Variants in KCNV2 observed in about 807,000 individuals in gnomAD.
KCNV2 encodes the protein potassium voltage-gated channel modifier subfamily V member 2, also known as potassium voltage-gated channel subfamily V member 2.
Under a neutral mutation model 37.0 loss-of-function variants are expected in KCNV2, and 65 were observed. That is an observed-to-expected ratio of 1.76 (90% CI 1.44 to 2.16). The LOEUF (loss-of-function observed/expected upper bound fraction) is 2.16. Ranked by LOEUF, KCNV2 falls within the 30% of genes most tolerant of loss-of-function variation. KCNV2 has a pLI of 0.00. For missense variants in KCNV2, 1,232 were observed against 766.7 expected, an observed-to-expected ratio of 1.61 and a Z score of -7.17; for synonymous variants, 518 against 328.6, an observed-to-expected ratio of 1.58 and a Z score of -6.23.
chr9:2,719,616 T>A (rs1424019734), intron 1 of KCNV2, among the ~76,000 whole-genome samples: 4 of 152,180 alleles, frequency 2.6e-5, no homozygotes, highest in African/African-American at 9.7e-5. Flanking sequence ...AATCTGAGTG[T>A]GGAAAGAAGC....
chr9:2,729,777 T>C lies in KCNV2; in HGVS notation c.*50T>C, dbSNP rs757408303. 2.5e-6 allele frequency: 4 copies of C among 1,570,836 alleles called. No homozygotes were observed. The highest frequency in any genetic ancestry group is 2.6e-6 in the Non-Finnish European group (3 of 1,141,162). On this transcript the variant is annotated 3_prime_UTR_variant, in exon 2 of 2. Transcript: ENST00000382082. ...AGATTCCATGAACTTCAAGGCTTCA[T>C]TGCTCTTTTTTTAATCATTATGATT... is the stretch of plus-strand genomic sequence containing the variant.
intron 1 of KCNV2, among the ~76,000 whole-genome samples, 185 bp downstream of exon 1, chr9:2,719,280 G>T (rs139375152): frequency 6.6e-6 from 1 of 152,138 alleles, no homozygotes. Context: ...GAACTCAGCA[G>T]ATCAGTAAGT....
At chr9:2,721,112 A>G (rs1309475157) in intron 1 of KCNV2, among the ~76,000 whole-genome samples, 2 of 152,210 alleles carry the variant, frequency 1.3e-5, no homozygotes, top group Non-Finnish European at 2.9e-5. Flanking sequence ...TCTTATCTGT[A>G]TGAATTTCCT....
chr9:2,724,392 G>C (rs1232026894), intron 1 of KCNV2, among the ~76,000 whole-genome samples: 1 of 152,058 alleles, frequency 6.6e-6, no homozygotes, highest in East Asian at 1.9e-4. Flanking sequence ...TAGATACCAA[G>C]GTGAATATTT....
Position 2,718,519 on chromosome 9 carries a change from G to A in KCNV2, c.780G>A (p.Lys260=). ...MEKPFSSVAA[K]AIGVASSTFV... is the part of the protein sequence containing the mutation. Reference sequence around the variant, plus strand: ...AGCCATTCTCCTCGGTGGCCGCCAAGGCCATCGGGGTGGCCTCCAGCACCT... The same window carrying A: ...AGCCATTCTCCTCGGTGGCCGCCAAAGCCATCGGGGTGGCCTCCAGCACCT... The change falls in exon 1 of 2, where the codon AAG becomes AAA. Residue 260 remains lysine (K), a synonymous_variant. Coordinates refer to ENST00000382082, the MANE Select transcript of KCNV2 (RefSeq NM_133497.4). The A allele has an allele frequency of 1.2e-6, 2 of 1,611,008 alleles. No homozygotes were observed. Among genetic ancestry groups the A allele is most frequent in the South Asian group, 2.2e-5 (2 of 90,714 alleles).
rs571461805 is a variant in KCNV2, at chr9:2,717,671, G to C, written c.-69G>C. ...AGGCCACGTGATCCATCCTCCTAGA[G>C]GCAGTGAGCAGGTGAGGGACCCCTA... On this transcript the variant is annotated 5_prime_UTR_variant, in exon 1 of 2. Transcript: ENST00000382082. The C allele has an allele frequency of 1.9e-6, 3 of 1,597,400 alleles. No homozygotes were observed. The highest frequency in any genetic ancestry group is 8.6e-7 in the Non-Finnish European group (1 of 1,166,106).
chr9:2,723,669 C>G (rs1249566064), intron 1 of KCNV2, among the ~76,000 whole-genome samples: 1 of 152,196 alleles, frequency 6.6e-6, no homozygotes, highest in Non-Finnish European at 1.5e-5. Context: ...CACATGGAAG[C>G]AATAACCTTT....
chr9:2,718,558 C>G lies in KCNV2; in HGVS notation c.819C>G (p.Ser273=), dbSNP rs767476582. 1 of 1,612,290 alleles carries G rather than the reference C, an allele frequency of 6.2e-7. No homozygotes were observed. The highest frequency in any genetic ancestry group is 8.5e-7 in the Non-Finnish European group (1 of 1,179,618). The change falls in exon 1 of 2, where the codon TCC becomes TCG. Residue 273 remains serine, a synonymous_variant. Transcript: ENST00000382082. ...CCTCCAGCACCTTCGTGCTCGTCTCCGTGGTGGCGCTGGCGCTCAACACCG... is the reference window on the plus strand; with the variant it reads ...CCTCCAGCACCTTCGTGCTCGTCTCGGTGGTGGCGCTGGCGCTCAACACCG... ...GVASSTFVLV[S]VVALALNTVE...
rs371163959 is a variant in KCNV2, at chr9:2,717,558, C to G, written c.-182C>G. ...TTCAGACCCTGCAGGCTGGGCTGGC[C>G]TGCCCAGGACCTGAGAAGGGGCAGC... On this transcript the variant is annotated 5_prime_UTR_variant, in exon 1 of 2. Transcript: ENST00000382082. 17 of 696,208 alleles carry G rather than the reference C, an allele frequency of 2.4e-5. No individual in the cohort carries two copies. Among genetic ancestry groups the G allele is most frequent in the South Asian group, 1.6e-4 (9 of 55,692 alleles). The allele number at this position is 696,208 out of a possible 1,614,324, so 43.1% of individuals were successfully genotyped here.
intron 1 of KCNV2, among the ~76,000 whole-genome samples, chr9:2,728,709 G>A (rs543674050): frequency 1.2e-4 from 18 of 152,144 alleles, no homozygotes; most frequent in African/African-American, 2.9e-4. Context: ...TTTGAACTAC[G>A]TAACAACTTT....
Position 2,718,345 on chromosome 9 carries a change from C to T in KCNV2, c.606C>T (p.Cys202=). ...LKYTPRCCRI[C]FEERRDELSE... ...ACACGCCACGCTGCTGCCGCATCTG[C>T]TTCGAGGAGCGGCGCGACGAGCTGA... Residue 202 remains cysteine, a synonymous_variant, in exon 1 of 2, where the codon TGC becomes TGT. Coordinates refer to ENST00000382082, the MANE Select transcript of KCNV2 (RefSeq NM_133497.4). 1 of 1,601,692 alleles carries T rather than the reference C, an allele frequency of 6.2e-7. No homozygotes were observed. The highest frequency in any genetic ancestry group is 8.5e-7 in the Non-Finnish European group (1 of 1,175,870).
intron 1 of KCNV2, among the ~76,000 whole-genome samples, chr9:2,729,052 T>A (rs113127258): frequency 0.012 from 1,878 of 152,264 alleles, 34 homozygotes; most frequent in African/African-American, 0.043. Flanking sequence ...GGGACCTGCT[T>A]TCCTGAATCT....
chr9:2,729,497 G>A lies in KCNV2; in HGVS notation c.1408G>A (p.Gly470Ser), dbSNP rs990370382. ...AGACATGTACCCAGAGACCCACCTG[G>A]GCAGGTTTTTTGCCTTCCTCTGCAT... ...YGDMYPETHL[G>S]RFFAFLCIAF... The change falls in exon 2 of 2, where the codon GGC becomes AGC. Residue 470 changes from glycine (G) to serine (S), a missense_variant. Transcript: ENST00000382082. The A allele has an allele frequency of 3.7e-6, 6 of 1,613,938 alleles. No homozygotes were observed. The highest frequency in any genetic ancestry group is 5.1e-6 in the Non-Finnish European group (6 of 1,180,008).
At position 2,729,893 on chromosome 9, in the gene KCNV2, C is replaced by T. The variant is rs1820040474; in HGVS notation, c.*166C>T. 2.9e-6 allele frequency: 2 copies of T among 690,928 alleles called. No individual in the cohort carries two copies. The highest frequency in any genetic ancestry group is 5.0e-6 in the Non-Finnish European group (2 of 402,120). 42.8% of individuals were successfully genotyped at this position (690,928 alleles called of 1,614,324 possible). A position where few individuals can be genotyped will look rare whatever the true frequency, so the allele number is the denominator to read the frequency against. The stretch of plus-strand genomic sequence containing the variant: ...AGAAATACTCATTTTGGCCCAAACT[C>T]AGAATGTCTCATAGTTGCTCTGTGT... On this transcript the variant is annotated 3_prime_UTR_variant, in exon 2 of 2. Transcript: ENST00000382082.
In KCNV2 at chr9:2,718,903, C is replaced by T. The variant is rs372410707; in HGVS notation, c.1164C>T (p.Leu388=). ...GCCTCATGCGCATCTTCCGCATCCT[C>T]AAGCTGGCGCGCCACTCCACCGGAC... is the stretch of plus-strand genomic sequence containing the variant. ...VMRLMRIFRI[L]KLARHSTGLR... is the part of the protein sequence containing the mutation. Residue 388 remains leucine (L), a synonymous_variant, in exon 1 of 2, where the codon CTC becomes CTT. Transcript: ENST00000382082. The T allele has an allele frequency of 1.2e-6, 2 of 1,608,994 alleles. No homozygotes were observed. The highest frequency in any genetic ancestry group is 8.5e-7 in the Non-Finnish European group (1 of 1,180,010).
rs104894113 is a variant in KCNV2, at chr9:2,718,166, G to T, written c.427G>T (p.Glu143Ter). The change falls in exon 1 of 2, where the codon GAG becomes TAG. Residue 143 changes from glutamate to a stop codon, truncating the protein, a stop_gained. Transcript: ENST00000382082. LOFTEE classifies it high-confidence loss of function. The part of the protein sequence containing the change: ...SRQLSLCDDY[E>*]EQTDEYFFDR... ...CCAGCTAAGCCTGTGCGACGACTAC[G>T]AGGAGCAGACAGACGAATACTTCTT... 9 of 1,612,968 alleles carry T rather than the reference G, an allele frequency of 5.6e-6. No individual in the cohort carries two copies. Among genetic ancestry groups the T allele is most frequent in the Middle Eastern group, 1.7e-4 (1 of 6,060 alleles).
At chr9:2,727,044 A>T (rs1036053371) in intron 1 of KCNV2, among the ~76,000 whole-genome samples, 1 of 152,060 alleles carries the variant, frequency 6.6e-6, no homozygotes, top group South Asian at 2.1e-4. Flanking sequence ...GCTGTTCTAA[A>T]CTACCCCTTC....
rs1212096728 is a variant in KCNV2, at chr9:2,729,665, A to G, written c.1576A>G (p.Lys526Glu). ...GEVNFMQRAR[K>E]KIAECLLGSN... ...GGTGAACTTCATGCAGAGAGCCAGA[A>G]AGAAGATAGCTGAGTGTTTGCTTGG... The change falls in exon 2 of 2, where the codon AAG becomes GAG. Residue 526 changes from lysine (K) to glutamate (E), a missense_variant. Transcript: ENST00000382082. 1.2e-6 allele frequency: 2 copies of G among 1,614,034 alleles called. No individual in the cohort carries two copies. Among genetic ancestry groups the G allele is most frequent in the African/African-American group, 2.7e-5 (2 of 74,922 alleles).
intron 1 of KCNV2, among the ~76,000 whole-genome samples, chr9:2,721,441 T>A (rs1439226842): frequency 6.6e-6 from 1 of 152,220 alleles, no homozygotes; most frequent in Non-Finnish European, 1.5e-5. Flanking sequence ...TAAAGGTTCA[T>A]ATTCTCAATA....
Sources: gnomAD v4.1 joint callset for allele counts (sites outside exome capture counted in the v4.1 genomes callset) on GRCh38, gnomAD v4.1.1 for gene constraint, MANE v1.5 for transcripts, NCBI Gene and HGNC (gene_info 2026-07-23, HGNC 2026-07-21) for gene names.